Variants in CHRD observed in about 807,000 individuals in gnomAD.
CHRD encodes the protein chordin.
CHRD carries 69 observed loss-of-function variants against 113.7 expected under a neutral mutation model. The observed-to-expected ratio is 0.61, with a 90% CI of 0.50 to 0.74. The LOEUF (loss-of-function observed/expected upper bound fraction) is 0.74. CHRD is among the 30% of genes least tolerant of loss of function. CHRD has a pLI of 0.00. For missense variants in CHRD, 1,194 were observed against 1,295.8 expected (o/e 0.92, Z 1.21); for synonymous variants, 561 against 540.8 (o/e 1.04, Z -0.52).
At chr3:184,383,977 G>A (rs193121909) in intron 12 of CHRD, among the ~76,000 whole-genome samples, 2 of 152,134 alleles carry the variant, frequency 1.3e-5, no homozygotes, top group Admixed American at 6.5e-5. Flanking sequence ...GGGTTTCACC[G>A]TGTTGGCCAG....
Position 184,383,639 on chromosome 3 carries a change from C to A in CHRD, c.1437C>A (p.His479Gln), listed in dbSNP as rs1715820964. 1.9e-6 allele frequency: 3 copies of A among 1,606,412 alleles called. No homozygotes were observed. The Admixed American group carries it at 5.1e-5, about 27-fold the overall frequency. Reference sequence around the variant, plus strand: ...TGGCTGGACTCCAGCCAGGAGGACACACGGTGAGGGCTCCAGGTGGAGCTG... The same window carrying A: ...TGGCTGGACTCCAGCCAGGAGGACAAACGGTGAGGGCTCCAGGTGGAGCTG... Residue 479 changes from histidine to glutamine, a missense_variant, in exon 12 of 23, where the codon CAC becomes CAA. Coordinates refer to ENST00000204604, the Ensembl canonical transcript of CHRD.
chr3:184,386,803 G>A, intron 16 of CHRD, 42 bp from the exon 17 acceptor site: 1 of 1,613,866 alleles, frequency 6.2e-7, no homozygotes, highest in Non-Finnish European at 8.5e-7. Context: ...CTGGAGCAAG[G>A]GGCCTGGACA....
At chr3:184,386,325 C>A in intron 15 of CHRD, 166 bp downstream of exon 15, 1 of 1,241,928 alleles carries the variant, frequency 8.1e-7, no homozygotes. Context: ...AGGCTGGCAG[C>A]CCGGCACCCT....
chr3:184,380,542 G>A lies in CHRD; in HGVS notation c.148+76G>A, dbSNP rs1266189809. The A allele has an allele frequency of 3.8e-6, 4 of 1,059,272 alleles. No homozygotes were observed. Among genetic ancestry groups the A allele is most frequent in the East Asian group, 9.2e-5 (2 of 21,756 alleles). The allele number at this position is 1,059,272 out of a possible 1,614,324, so 65.6% of individuals were successfully genotyped here. A position where few individuals can be genotyped will look rare whatever the true frequency, so the allele number is the denominator to read the frequency against. Reference sequence around the variant, plus strand: ...GTCAGCGCCAGCCCGGAGGGGGCGCGGGGCGCAGGTGGCTCGGCGCGGCGG... The same window carrying A: ...GTCAGCGCCAGCCCGGAGGGGGCGCAGGGCGCAGGTGGCTCGGCGCGGCGG... On this transcript the variant is annotated intron_variant, in intron 1 of 22. Transcript: ENST00000204604. This position sits in a 1 kb window ranked among gnomAD's most constrained non-coding sequence, Gnocchi z 6.3.
rs1715218951 is a variant in CHRD at position 184,380,800 on chromosome 3, G to A, written c.252+5G>A. On this transcript the variant is annotated splice_donor_5th_base_variant and intron_variant, in intron 2 of 22. Transcript: ENST00000204604. The surrounding 1 kb of genome is among the most constrained non-coding windows in gnomAD (Gnocchi z 6.3). ...GTGCTGTGCGCCTGCGAGGCGGTGA[G>A]TGCACCCCGCGGCCGGCCCGGGCCC... 6.3e-7 allele frequency: 1 copy of A among 1,584,536 alleles called. No individual in the cohort carries two copies. The highest frequency in any genetic ancestry group is 1.1e-5 in the South Asian group (1 of 87,804).
intron 15 of CHRD, 97 bp downstream of exon 15, chr3:184,386,256 C>T (rs1287381024): frequency 2.2e-6 from 3 of 1,390,118 alleles, no homozygotes; most frequent in Non-Finnish European, 3.0e-6. Context: ...TCTCTGAGTC[C>T]TGGGGGTGGT....
At chr3:184,386,725 C>T (rs766572394) in exon 16 of CHRD, 46 of 1,612,542 alleles carry the variant, frequency 2.9e-5, no homozygotes, top group Admixed American at 6.7e-5. Flanking sequence ...CGCCCAACTA[C>T]GACCCGCTCT....
Position 184,388,987 on chromosome 3 carries a change from AC to A in CHRD, c.2806del (p.Arg936GlyfsTer119). 1 of 1,609,618 alleles carries A rather than the reference AC, an allele frequency of 6.2e-7. No individual in the cohort carries two copies. The highest frequency in any genetic ancestry group is 8.5e-7 in the Non-Finnish European group (1 of 1,178,792). Reference sequence around the variant, plus strand: ...CGATGCTGTTCCCGCTGCACGGCCCACCGGCGGCGTAAGTGAGGGAGTCCAG... The same window carrying A: ...CGATGCTGTTCCCGCTGCACGGCCCACGGCGGCGTAAGTGAGGGAGTCCAG... On this transcript the variant is annotated frameshift_variant, in exon 22 of 23. Coordinates refer to ENST00000204604, the Ensembl canonical transcript of CHRD. LOFTEE classifies it high-confidence loss of function. The surrounding 1 kb of genome is among the most constrained non-coding windows in gnomAD (Gnocchi z 6.1).
exon 9 of CHRD, chr3:184,382,929 C>G: frequency 6.2e-7 from 1 of 1,614,050 alleles, no homozygotes; most frequent in Non-Finnish European, 8.5e-7. Flanking sequence ...AGGCCAATGT[C>G]TCAGCCCAGG....
intron 22 of CHRD, 26 bp from the exon 23 acceptor site, chr3:184,389,341 C>T (rs1369973683): frequency 6.2e-7 from 1 of 1,611,316 alleles, no homozygotes. Context: ...TCCCCTCCTC[C>T]AACATTCCCT....
intron 11 of CHRD, 41 bp from the exon 12 acceptor site, chr3:184,383,481 TA>T: frequency 6.2e-7 from 1 of 1,613,588 alleles, no homozygotes; most frequent in Non-Finnish European, 8.5e-7. Flanking sequence ...CCCAGGCCTT[TA>T]CTGCCTCTCC....
chr3:184,380,290 C>A lies in CHRD; in HGVS notation c.-29C>A. ...CGCCCGCTCCCGCGCCCTCCTCCCT[C>A]CCTCCTCCCCAGCTGTCCCGTTCGC... On this transcript the variant is annotated 5_prime_UTR_variant, in exon 1 of 23. Coordinates refer to ENST00000204604, the Ensembl canonical transcript of CHRD. The surrounding 1 kb of genome is among the most constrained non-coding windows in gnomAD (Gnocchi z 6.3). The A allele has an allele frequency of 1.7e-6, 2 of 1,201,274 alleles. No individual in the cohort carries two copies. The highest frequency in any genetic ancestry group is 2.1e-5 in the South Asian group (1 of 46,752). 74.4% of individuals were successfully genotyped at this position (1,201,274 alleles called of 1,614,324 possible).
exon 12 of CHRD, chr3:184,383,642 G>C: frequency 6.2e-7 from 1 of 1,605,688 alleles, no homozygotes; most frequent in Non-Finnish European, 8.5e-7. Context: ...GAGGACACAC[G>C]GTGAGGGCTC....
chr3:184,380,418 C>A lies in CHRD; in HGVS notation c.100C>A (p.Leu34Met). The change falls in exon 1 of 23, where the codon CTG (leucine) becomes ATG (methionine). Residue 34 changes from leucine to methionine, a missense_variant. Coordinates refer to ENST00000204604, the Ensembl canonical transcript of CHRD. The surrounding 1 kb of genome is among the most constrained non-coding windows in gnomAD (Gnocchi z 6.3). ...CGGCGCCGGCCCAGAGCCCCCCGTGCTGCCCATCCGTTCTGAGAAGGAGCC... is the reference window on the plus strand; with the variant it reads ...CGGCGCCGGCCCAGAGCCCCCCGTGATGCCCATCCGTTCTGAGAAGGAGCC... The A allele has an allele frequency of 7.5e-7, 1 of 1,333,588 alleles. No individual in the cohort carries two copies. Among genetic ancestry groups the A allele is most frequent in the African/African-American group, 1.6e-5 (1 of 64,072 alleles). The allele number at this position is 1,333,588 out of a possible 1,614,324, so 82.6% of individuals were successfully genotyped here.
rs1715314113 is a variant in CHRD at position 184,381,173 on chromosome 3, G to C, written c.253-62G>C. 8.2e-6 allele frequency: 13 copies of C among 1,586,116 alleles called. No individual in the cohort carries two copies. Among genetic ancestry groups the C allele is most frequent in the Non-Finnish European group, 1.1e-5 (13 of 1,158,248 alleles). On this transcript the variant is annotated intron_variant, in intron 2 of 22. Transcript: ENST00000204604. The surrounding 1 kb of genome is among the most constrained non-coding windows in gnomAD (Gnocchi z 4.7). ...CTGACTCTGCGGGACATCCTTGCCT[G>C]GGGGGGTCTCATCAGTTGGCATCTT... is the stretch of plus-strand genomic sequence containing the variant.
In CHRD at chr3:184,387,501, G is replaced by T; in HGVS notation, c.2451+24G>T. ...AGGTATGGCCACCCAATCTTCTCTG[G>T]TGCCATAACCCAGCGGGGTCTGCAG... On this transcript the variant is annotated intron_variant, in intron 19 of 22. Coordinates refer to ENST00000204604, the Ensembl canonical transcript of CHRD. This position sits in a 1 kb window ranked among gnomAD's most constrained non-coding sequence, Gnocchi z 6.1. 1 of 1,583,038 alleles carries T rather than the reference G, an allele frequency of 6.3e-7. No individual in the cohort carries two copies. Among genetic ancestry groups the T allele is most frequent in the Middle Eastern group, 1.7e-4 (1 of 5,916 alleles).
In CHRD at chr3:184,387,963, G is replaced by A. The variant is rs1199565754; in HGVS notation, c.2484G>A (p.Val828=). The A allele has an allele frequency of 3.1e-6, 5 of 1,613,454 alleles. No individual in the cohort carries two copies. In the Admixed American group the frequency reaches 8.3e-5, roughly 27 times the overall value. The change falls in exon 20 of 23, where the codon GTG becomes GTA. Residue 828 remains valine, a synonymous_variant. Transcript: ENST00000204604. The surrounding 1 kb of genome is among the most constrained non-coding windows in gnomAD (Gnocchi z 6.1). ...CTGGAGAGGTGCACTGTGAGAAGGT[G>A]CAGTGTCCCCGGCTGGCCTGTGCCC... is the stretch of plus-strand genomic sequence containing the variant.
rs1282594969 is a variant in CHRD, at chr3:184,381,741, G to A, written c.537G>A (p.Pro179=). The A allele has an allele frequency of 6.2e-7, 1 of 1,613,200 alleles. No homozygotes were observed. ...ACTTCGTGGCGCTGCTGACAGGGCC[G>A]AGGTCGCAGGCGGTGGCACGAGCCC... is the stretch of plus-strand genomic sequence containing the variant. The change falls in exon 5 of 23, where the codon CCG becomes CCA. Residue 179 remains proline, a synonymous_variant. Coordinates refer to ENST00000204604, the Ensembl canonical transcript of CHRD. This position sits in a 1 kb window ranked among gnomAD's most constrained non-coding sequence, Gnocchi z 4.7.
At chr3:184,389,487 G>A (rs1716883707) in exon 23 of CHRD, 2 of 1,447,578 alleles carry the variant, frequency 1.4e-6, no homozygotes, top group Non-Finnish European at 9.6e-7. Flanking sequence ...GTGGCATCGA[G>A]GACCTTCTTG....
Sources: gnomAD v4.1 joint callset for allele counts (sites outside exome capture counted in the v4.1 genomes callset) on GRCh38, gnomAD v4.1.1 for gene constraint, Gnocchi (gnomAD v3.1) non-coding constraint, MANE v1.5 for transcripts, NCBI Gene and HGNC (gene_info 2026-07-23, HGNC 2026-07-21) for gene names.